Variants in ACAP2 observed in about 807,000 individuals in gnomAD.
The protein encoded by ACAP2 is ArfGAP with coiled-coil, ankyrin repeat and PH domains 2, also known as arf-GAP with coiled-coil, ANK repeat and PH domain-containing protein 2.
In ACAP2, 39 loss-of-function variants were observed where a neutral mutation model predicts 115.8. The observed-to-expected ratio is 0.34, with a 90% CI of 0.26 to 0.44. The LOEUF is 0.44. Among genes scored for constraint, ACAP2 ranks in the 20% least tolerant of loss-of-function variants. The pLI is 1.00. For missense variants in ACAP2, 662 were observed against 927.6 expected (o/e 0.71, Z 3.72); for synonymous variants, 289 against 315.8 (o/e 0.92, Z 0.90).
intron 10 of ACAP2, among the ~76,000 whole-genome samples, chr3:195,313,306 A>G (rs1029901704): frequency 1.3e-5 from 2 of 152,182 alleles, no homozygotes; most frequent in African/African-American, 4.8e-5. Context: ...TTCTGCCTCA[A>G]TGGTCATGGC....
At chr3:195,366,661 C>T (rs1732743983) in intron 4 of ACAP2, among the ~76,000 whole-genome samples, 1 of 152,142 alleles carries the variant, frequency 6.6e-6, no homozygotes, top group African/African-American at 2.4e-5. Flanking sequence ...ACATGGGGAG[C>T]CTTAAAAATT....
chr3:195,292,180 A>G, intron 19 of ACAP2, 85 bp downstream of exon 19: 1 of 1,434,782 alleles, frequency 7.0e-7, no homozygotes, highest in Non-Finnish European at 9.2e-7. Context: ...TGAAGCAAAG[A>G]CAATACTAAA....
intron 17 of ACAP2, chr3:195,295,283 C>T (rs183382513): frequency 4.9e-5 from 63 of 1,292,080 alleles, no homozygotes; most frequent in Non-Finnish European, 6.0e-5. Flanking sequence ...CTGGCCTCGT[C>T]GCTATTTACA....
At chr3:195,377,285 C>CA (rs1276364910) in intron 4 of ACAP2, among the ~76,000 whole-genome samples, 2 of 151,696 alleles carry the variant, frequency 1.3e-5, no homozygotes, top group African/African-American at 2.4e-5. Context: ...GCTGGGATTA[C>CA]AGGCATGAGC....
chr3:195,421,209 C>T (rs543871189), intron 1 of ACAP2, among the ~76,000 whole-genome samples: 3 of 152,222 alleles, frequency 2.0e-5, no homozygotes, highest in Admixed American at 6.5e-5. Context: ...GTATCTATGC[C>T]TGAGTCCTAT....
intron 1 of ACAP2, among the ~76,000 whole-genome samples, chr3:195,409,628 C>A (rs1458274645): frequency 6.6e-6 from 1 of 152,026 alleles, no homozygotes; most frequent in East Asian, 1.9e-4. Context: ...GTAATCTCAG[C>A]ACCCTGGGAG....
At chr3:195,351,129 T>G (rs868624148) in intron 4 of ACAP2, among the ~76,000 whole-genome samples, 7 of 131,832 alleles carry the variant, frequency 5.3e-5, no homozygotes, top group Non-Finnish European at 1.1e-4. Context: ...TTTTTTTTTT[T>G]GGGCGGGGGA....
In ACAP2 at chr3:195,330,033, A is replaced by G. The variant is rs1468297993; in HGVS notation, c.669+2995T>C. Among the ~76,000 whole-genome samples the G allele has an allele frequency of 3.3e-5, 5 of 152,092 alleles. No individual in the cohort carries two copies. In the East Asian group the frequency reaches 9.6e-4, roughly 29 times the overall value. ...TTTTAAATAGCTCTATGATTCAGAG[A>G]TATCTAACTCACCCCCCATCAACTC... On this transcript the variant is annotated intron_variant, in intron 8 of 22. Transcript: ENST00000326793.
chr3:195,289,926 A>C (rs1252042773), intron 20 of ACAP2, among the ~76,000 whole-genome samples: 2 of 151,634 alleles, frequency 1.3e-5, no homozygotes, highest in African/African-American at 4.9e-5. Flanking sequence ...TGTAAACTTC[A>C]TAATAATAAT....
chr3:195,284,412 C>T (rs72607900), intron 22 of ACAP2, among the ~76,000 whole-genome samples: 3,353 of 152,180 alleles, frequency 0.022, 124 homozygotes, highest in East Asian at 0.11. Context: ...CCAGAATGAA[C>T]GCTAGAGCTT....
chr3:195,407,665 C>CAGA (rs1441257877), intron 1 of ACAP2, among the ~76,000 whole-genome samples: 1 of 152,138 alleles, frequency 6.6e-6, no homozygotes, highest in African/African-American at 2.4e-5. Context: ...CCACTGCACT[C>CAGA]CTGCCTGGGC....
chr3:195,274,792 A>G lies in ACAP2; in HGVS notation c.*4536T>C, dbSNP rs1349474707. ...TTGACTTATTGTAATTTTTTGGCAT[A>G]CAAATTACTTAAGTATATTTACAAT... On this transcript the variant is annotated 3_prime_UTR_variant, in exon 23 of 23. Transcript: ENST00000326793. The G allele has an allele frequency of 6.6e-6, 1 of 152,598 alleles. No homozygotes were observed. The highest frequency in any genetic ancestry group is 1.5e-5 in the Non-Finnish European group (1 of 68,010). The allele number at this position is 152,598 out of a possible 1,614,324, so 9.5% of individuals were successfully genotyped here.
intron 13 of ACAP2, among the ~76,000 whole-genome samples, chr3:195,304,243 T>G (rs1728275616): frequency 6.6e-6 from 1 of 151,950 alleles, no homozygotes; most frequent in East Asian, 1.9e-4. Context: ...AAAGAAATAT[T>G]TGTTTTACCA....
intron 1 of ACAP2, among the ~76,000 whole-genome samples, chr3:195,432,055 T>C (rs1415916767): frequency 6.6e-6 from 1 of 152,240 alleles, no homozygotes; most frequent in Admixed American, 6.5e-5. Context: ...AATTGGATTA[T>C]TTGTCCTTCG....
At chr3:195,404,857 G>A (rs1712619005) in intron 1 of ACAP2, among the ~76,000 whole-genome samples, 1 of 150,428 alleles carries the variant, frequency 6.6e-6, no homozygotes, top group East Asian at 1.9e-4. Flanking sequence ...GAGTGCAATG[G>A]CACAATCTCA....
At position 195,278,013 on chromosome 3, in the gene ACAP2, G is replaced by A. The variant is rs1450064877; in HGVS notation, c.*1315C>T. On this transcript the variant is annotated 3_prime_UTR_variant, in exon 23 of 23. Transcript: ENST00000326793. ...GGAGAATTGCTTGAACCCAAGAGGA[G>A]GAGGCTGCAGTGAGCTGAGATCGTG... is the stretch of plus-strand genomic sequence containing the variant. 4 of 151,750 alleles carry A rather than the reference G, an allele frequency of 2.6e-5. No homozygotes were observed. Among genetic ancestry groups the A allele is most frequent in the Admixed American group, 2.0e-4 (3 of 15,244 alleles). The allele number at this position is 151,750 out of a possible 1,614,324, so 9.4% of individuals were successfully genotyped here. A position where few individuals can be genotyped will look rare whatever the true frequency, so the allele number is the denominator to read the frequency against.
chr3:195,353,768 T>TA (rs111726124), intron 4 of ACAP2, among the ~76,000 whole-genome samples: 10 of 94,766 alleles, frequency 1.1e-4, no homozygotes, highest in East Asian at 8.4e-4. Context: ...ATAAAGTTGT[T>TA]AAAAAAACAT....
At chr3:195,395,278 T>C (rs1461240165) in intron 1 of ACAP2, among the ~76,000 whole-genome samples, 1 of 151,956 alleles carries the variant, frequency 6.6e-6, no homozygotes, top group Non-Finnish European at 1.5e-5. Flanking sequence ...TATATACACA[T>C]TAATAATGAA....
chr3:195,356,806 C>A (rs1402023971), intron 4 of ACAP2, among the ~76,000 whole-genome samples: 1 of 151,748 alleles, frequency 6.6e-6, no homozygotes, highest in Non-Finnish European at 1.5e-5. Context: ...GCCCTTAGAC[C>A]CTGAATAATC....
Sources: allele counts gnomAD v4.1 joint callset (sites outside exome capture counted in the v4.1 genomes callset), GRCh38; gene constraint gnomAD v4.1.1; transcripts MANE v1.5; gene names NCBI Gene and HGNC (gene_info 2026-07-23, HGNC 2026-07-21).